Variants in MBOAT1 observed in about 807,000 individuals in gnomAD.
MBOAT1 encodes the protein membrane bound glycerophospholipid O-acyltransferase 1.
In MBOAT1, 67 loss-of-function variants were observed where a neutral mutation model predicts 64.4. The ratio of observed to expected loss-of-function variants is 1.04; its 90% CI spans 0.85 to 1.27. MBOAT1 has a LOEUF of 1.27. Among genes scored for constraint, MBOAT1 ranks in the 50% most tolerant of loss-of-function variants. The pLI, the probability that MBOAT1 is intolerant of heterozygous loss-of-function variation, is 0.00. For missense variants in MBOAT1, 563 were observed against 604.6 expected (o/e 0.93, Z 0.72); for synonymous variants, 229 against 218.9 (o/e 1.05, Z -0.41).
At chr6:20,156,287 A>AC (rs1195073537) in intron 1 of MBOAT1, among the ~76,000 whole-genome samples, 2 of 151,854 alleles carry the variant, frequency 1.3e-5, no homozygotes, top group Non-Finnish European at 2.9e-5. Context: ...AAAAAAAAAA[A>AC]ATTAATGTGT....
intron 4 of MBOAT1, among the ~76,000 whole-genome samples, chr6:20,143,591 T>A (rs954225314): frequency 3.9e-5 from 6 of 152,158 alleles, no homozygotes; most frequent in African/African-American, 1.4e-4. Flanking sequence ...ACCACAGACC[T>A]GGAGCCTCTC....
intron 1 of MBOAT1, among the ~76,000 whole-genome samples, chr6:20,196,018 G>A (rs1762945454): frequency 1.3e-5 from 2 of 152,198 alleles, no homozygotes; most frequent in Non-Finnish European, 2.9e-5. Flanking sequence ...CAGGGATGAG[G>A]CCCTCCCCAC....
At chr6:20,202,347 T>TTTTTGTTTTG (rs1340956728) in intron 1 of MBOAT1, among the ~76,000 whole-genome samples, 44 of 90,256 alleles carry the variant, frequency 4.9e-4, no homozygotes, top group Non-Finnish European at 1.1e-3. Flanking sequence ...AGTTCCCTGG[T>TTTTTGTTTTG]TTTCGTTTTG....
intron 1 of MBOAT1, among the ~76,000 whole-genome samples, chr6:20,154,027 C>T (rs1051734438): frequency 2.6e-5 from 4 of 151,984 alleles, no homozygotes; most frequent in African/African-American, 9.7e-5. Context: ...GAAAAGAGAC[C>T]GAAGATAGAG....
chr6:20,144,558 C>T (rs1561761204), intron 3 of MBOAT1, among the ~76,000 whole-genome samples: 2 of 152,300 alleles, frequency 1.3e-5, no homozygotes, highest in East Asian at 1.9e-4. Context: ...TTGCAAACCA[C>T]AGATCCCTGG....
chr6:20,190,513 A>G (rs755959036), intron 1 of MBOAT1, among the ~76,000 whole-genome samples: 2 of 152,236 alleles, frequency 1.3e-5, no homozygotes, highest in East Asian at 3.8e-4. Flanking sequence ...ACATGAGGTC[A>G]TAATACACAC....
At chr6:20,194,353 G>A (rs764886265) in intron 1 of MBOAT1, among the ~76,000 whole-genome samples, 1 of 152,054 alleles carries the variant, frequency 6.6e-6, no homozygotes, top group Non-Finnish European at 1.5e-5. Context: ...TTCCATCCAG[G>A]TCACCATATT....
intron 11 of MBOAT1, 67 bp from the exon 12 acceptor site, chr6:20,109,816 G>A (rs1342037898): frequency 6.6e-7 from 1 of 1,507,790 alleles, no homozygotes; most frequent in African/African-American, 1.4e-5. Flanking sequence ...TTTACTCTGT[G>A]CATGCAGATA....
chr6:20,125,770 A>T (rs1760631468), intron 7 of MBOAT1: 2 of 332,422 alleles, frequency 6.0e-6, no homozygotes, highest in Admixed American at 4.6e-5. Flanking sequence ...CCTAATTAAT[A>T]AATCCCTTAA....
At chr6:20,211,944 CACTA>C in intron 1 of MBOAT1, 188 bp downstream of exon 1, 1 of 548,894 alleles carries the variant, frequency 1.8e-6, no homozygotes. Flanking sequence ...AGGAGAAAAA[CACTA>C]ACACCAACTC....
At chr6:20,141,034 C>T (rs756242938) in intron 4 of MBOAT1, among the ~76,000 whole-genome samples, 1 of 152,030 alleles carries the variant, frequency 6.6e-6, no homozygotes, top group Non-Finnish European at 1.5e-5. Flanking sequence ...GATCCAAATG[C>T]ATGACTCTGG....
At chr6:20,105,550 A>T (rs1759927621) in intron 12 of MBOAT1, among the ~76,000 whole-genome samples, 1 of 152,208 alleles carries the variant, frequency 6.6e-6, no homozygotes, top group Non-Finnish European at 1.5e-5. Flanking sequence ...AGATTGCTTG[A>T]GTCCAAGAGT....
In MBOAT1 at chr6:20,151,255, C is replaced by T. The variant is rs1395851152; in HGVS notation, c.253G>A (p.Val85Met). 2 of 1,611,434 alleles carry T rather than the reference C, an allele frequency of 1.2e-6. No homozygotes were observed. Among genetic ancestry groups the T allele is most frequent in the African/African-American group, 1.3e-5 (1 of 75,010 alleles). Residue 85 changes from valine (V) to methionine (M), a missense_variant, in exon 3 of 13, where the codon GTG becomes ATG. Coordinates refer to ENST00000324607, the MANE Select transcript of MBOAT1 (RefSeq NM_001080480.3). ...FVIFCFGWYS[V>M]HLFVLVLMCY... Reference sequence around the variant, plus strand: ...ATTAACACCAGCACAAAAAGATGCACAGAGTACCTTTAAGACATAATAGTA... The same window carrying T: ...ATTAACACCAGCACAAAAAGATGCATAGAGTACCTTTAAGACATAATAGTA...
chr6:20,131,903 A>AT (rs1004202634), intron 4 of MBOAT1, among the ~76,000 whole-genome samples: 17 of 149,362 alleles, frequency 1.1e-4, no homozygotes, highest in African/African-American at 2.2e-4. Flanking sequence ...GAGAATCTGC[A>AT]TTTTTTTTTC....
intron 1 of MBOAT1, among the ~76,000 whole-genome samples, chr6:20,181,791 A>G (rs1045049639): frequency 2.0e-5 from 3 of 152,316 alleles, no homozygotes; most frequent in African/African-American, 7.2e-5. Flanking sequence ...GTGTTTCCCA[A>G]TATACAGCAC....
At chr6:20,198,664 G>C (rs1763032311) in intron 1 of MBOAT1, among the ~76,000 whole-genome samples, 1 of 152,100 alleles carries the variant, frequency 6.6e-6, no homozygotes, top group South Asian at 2.1e-4. Context: ...TAGAAACTTT[G>C]CAGCAGGGAA....
intron 1 of MBOAT1, among the ~76,000 whole-genome samples, chr6:20,160,440 G>A (rs62397915): frequency 0.064 from 9,750 of 152,214 alleles, 395 homozygotes; most frequent in South Asian, 0.11. Flanking sequence ...CTGGAATGTC[G>A]AGTGTAACAA....
At chr6:20,182,941 A>T (rs1762551123) in intron 1 of MBOAT1, among the ~76,000 whole-genome samples, 1 of 152,208 alleles carries the variant, frequency 6.6e-6, no homozygotes, top group African/African-American at 2.4e-5. Context: ...ATGACAGGGA[A>T]TTTTTCACAG....
chr6:20,173,189 T>C (rs547938956), intron 1 of MBOAT1, among the ~76,000 whole-genome samples: 8 of 152,334 alleles, frequency 5.3e-5, no homozygotes, highest in South Asian at 2.1e-4. Context: ...CAATTAAGCC[T>C]TTTGTTTTAC....
Sources: allele counts gnomAD v4.1 joint callset (sites outside exome capture counted in the v4.1 genomes callset), GRCh38; gene constraint gnomAD v4.1.1; transcripts MANE v1.5; gene names NCBI Gene and HGNC (gene_info 2026-07-23, HGNC 2026-07-21).